IQGAP2: variants seen among roughly 807,000 people sequenced by gnomAD.
IQGAP2 encodes the protein ras GTPase-activating-like protein IQGAP2.
Under a neutral mutation model 201.3 loss-of-function variants are expected in IQGAP2, and 173 were observed. That is an observed-to-expected ratio of 0.86 (90% CI 0.76 to 0.98). IQGAP2 has a LOEUF of 0.98. Among genes scored for constraint, IQGAP2 ranks in the 50% least tolerant of loss-of-function variants. IQGAP2 has a pLI of 0.00. For missense variants in IQGAP2, 1,687 were observed against 1,864.8 expected, an observed-to-expected ratio of 0.90 and a Z score of 1.76; for synonymous variants, 675 against 673.9, an observed-to-expected ratio of 1.00 and a Z score of -0.03.
At chr5:76,624,701 A>G (rs1185286458) in intron 13 of IQGAP2, among the ~76,000 whole-genome samples, 1 of 152,158 alleles carries the variant, frequency 6.6e-6, no homozygotes, top group African/African-American at 2.4e-5. Flanking sequence ...CTTATGTTGA[A>G]CCTGGCTGTT....
intron 11 of IQGAP2, among the ~76,000 whole-genome samples, chr5:76,601,910 A>C (rs890848144): frequency 6.6e-6 from 1 of 152,134 alleles, no homozygotes; most frequent in African/African-American, 2.4e-5. Context: ...GTTCTACTTA[A>C]ATTTGGCCAT....
chr5:76,453,051 G>A (rs1753867165), intron 1 of IQGAP2, among the ~76,000 whole-genome samples: 1 of 151,966 alleles, frequency 6.6e-6, no homozygotes, highest in African/African-American at 2.4e-5. Context: ...GAGTAGCTGG[G>A]ATTACAGGCT....
chr5:76,665,632 G>A, intron 22 of IQGAP2, among the ~76,000 whole-genome samples: 1 of 152,150 alleles, frequency 6.6e-6, no homozygotes, highest in East Asian at 1.9e-4. Flanking sequence ...CCCTTCTATG[G>A]GGGAAGAGCC....
chr5:76,438,008 G>GTTTTTTTTTTTTTTTTTTTTT (rs768892670), intron 1 of IQGAP2, among the ~76,000 whole-genome samples: 1 of 91,044 alleles, frequency 1.1e-5, no homozygotes, highest in Non-Finnish European at 2.3e-5. Context: ...TTGGTCTGTA[G>GTTTTTTTTTTTTTTTTTTTTT]TTTTTTTTTT....
chr5:76,552,015 A>G (rs1183508998), intron 2 of IQGAP2, among the ~76,000 whole-genome samples: 2 of 152,100 alleles, frequency 1.3e-5, no homozygotes, highest in Non-Finnish European at 2.9e-5. Flanking sequence ...AGAGAGCCTC[A>G]CCCTTTGAAA....
chr5:76,511,347 T>C (rs2150182394), intron 2 of IQGAP2, among the ~76,000 whole-genome samples: 1 of 152,260 alleles, frequency 6.6e-6, no homozygotes, highest in South Asian at 2.1e-4. Flanking sequence ...ATCATGTCTG[T>C]GATCAAGGAC....
At chr5:76,686,030 T>G (rs1421989566) in intron 30 of IQGAP2, among the ~76,000 whole-genome samples, 1 of 152,230 alleles carries the variant, frequency 6.6e-6, no homozygotes, top group Non-Finnish European at 1.5e-5. Context: ...GTGGTTTTGG[T>G]TTGTACTTTT....
chr5:76,534,666 T>C (rs1422181592), intron 2 of IQGAP2, among the ~76,000 whole-genome samples: 9 of 152,218 alleles, frequency 5.9e-5, no homozygotes, highest in Admixed American at 5.2e-4. Flanking sequence ...CAGGGATCAG[T>C]GAAGGTCATG....
At chr5:76,418,448 A>G (rs933612070) in intron 1 of IQGAP2, among the ~76,000 whole-genome samples, 2 of 152,080 alleles carry the variant, frequency 1.3e-5, no homozygotes, top group African/African-American at 4.8e-5. Flanking sequence ...TTATAATCCC[A>G]GTACTTTGGG....
At chr5:76,455,576 G>A (rs1754033120) in intron 1 of IQGAP2, among the ~76,000 whole-genome samples, 1 of 151,972 alleles carries the variant, frequency 6.6e-6, no homozygotes, top group Non-Finnish European at 1.5e-5. Flanking sequence ...CCTCTTTCAT[G>A]TGTAGATCCT....
intron 1 of IQGAP2, among the ~76,000 whole-genome samples, chr5:76,429,895 G>A (rs1184573353): frequency 1.8e-5 from 2 of 111,002 alleles, no homozygotes; most frequent in South Asian, 5.8e-4. Context: ...ACACACACAC[G>A]ACTATTTCAT....
intron 1 of IQGAP2, among the ~76,000 whole-genome samples, chr5:76,423,686 A>T (rs1661480595): frequency 6.6e-6 from 1 of 152,230 alleles, no homozygotes; most frequent in African/African-American, 2.4e-5. Flanking sequence ...CAGATGAAAG[A>T]AGAAAGAGTG....
chr5:76,606,025 T>G (rs1220410085), intron 11 of IQGAP2, among the ~76,000 whole-genome samples, 154 bp from the exon 12 acceptor site: 1 of 152,224 alleles, frequency 6.6e-6, no homozygotes, highest in African/African-American at 2.4e-5. Context: ...GCCTGGTATA[T>G]GTTGACAGAG....
chr5:76,515,263 T>C (rs1243956818), intron 2 of IQGAP2, among the ~76,000 whole-genome samples: 1 of 152,208 alleles, frequency 6.6e-6, no homozygotes, highest in Non-Finnish European at 1.5e-5. Flanking sequence ...TTTTAGAAGA[T>C]TGAAAATATT....
At position 76,442,308 on chromosome 5, in the gene IQGAP2, C is replaced by G. The variant is rs561722974; in HGVS notation, c.47-19262C>G. Among the ~76,000 whole-genome samples, 3 of 152,272 alleles carry G rather than the reference C, an allele frequency of 2.0e-5. No homozygotes were observed. In the East Asian group the frequency reaches 5.8e-4, roughly 29 times the overall value. On this transcript the variant is annotated intron_variant, in intron 1 of 35. Coordinates refer to ENST00000274364, the MANE Select transcript of IQGAP2 (RefSeq NM_006633.5). ...CTATGGTATGATTTATTACAAGAAG[C>G]TTTACTTAACTTCTAATAGTCTGAT...
At chr5:76,610,049 T>TA in intron 12 of IQGAP2, among the ~76,000 whole-genome samples, 1 of 53,742 alleles carries the variant, frequency 1.9e-5, no homozygotes. Flanking sequence ...TTGTTCTCTC[T>TA]TTCTCTCTCT....
chr5:76,581,707 A>G (rs1365298330), intron 5 of IQGAP2, among the ~76,000 whole-genome samples: 7 of 152,188 alleles, frequency 4.6e-5, no homozygotes, highest in Non-Finnish European at 1.0e-4. Context: ...TAATTGAACT[A>G]ATTTCTCTAT....
chr5:76,648,653 G>A (rs546205203), intron 17 of IQGAP2, among the ~76,000 whole-genome samples: 16 of 152,194 alleles, frequency 1.1e-4, no homozygotes, highest in Admixed American at 2.0e-4. Context: ...ACTAACATTT[G>A]AAGCAAAAGA....
chr5:76,571,812 A>C (rs886725323), intron 4 of IQGAP2, among the ~76,000 whole-genome samples: 2 of 152,206 alleles, frequency 1.3e-5, no homozygotes, highest in African/African-American at 2.4e-5. Context: ...ACTGCAGTAC[A>C]TGTTAAATTG....
Sources: gnomAD v4.1 joint callset for allele counts (sites outside exome capture counted in the v4.1 genomes callset) on GRCh38, gnomAD v4.1.1 for gene constraint, MANE v1.5 for transcripts, NCBI Gene and HGNC (gene_info 2026-07-23, HGNC 2026-07-21) for gene names.